Variants in MUC5AC observed in about 807,000 individuals in gnomAD.
The protein encoded by MUC5AC is mucin 5AC, oligomeric mucus/gel-forming.
In MUC5AC, 158 loss-of-function variants were observed where a neutral mutation model predicts 169.7. That is an observed-to-expected ratio of 0.93 (90% CI 0.82 to 1.06). The LOEUF (loss-of-function observed/expected upper bound fraction) is 1.06, where lower values mean the gene tolerates loss of function less well. Ranked by LOEUF, MUC5AC falls within the 50% of genes least tolerant of loss-of-function variation. MUC5AC has a pLI of 0.00. For missense variants in MUC5AC, 4,359 were observed against 3,089.9 expected (o/e 1.41, Z -9.74); for synonymous variants, 1,975 against 1,237.0 (o/e 1.60, Z -12.52).
intron 4 of MUC5AC, 76 bp from the exon 5 acceptor site, chr11:1,162,456 C>G: frequency 2.3e-6 from 3 of 1,328,514 alleles, no homozygotes; most frequent in Non-Finnish European, 2.1e-6. Flanking sequence ...GTCACATTTG[C>G]GACCGCAGGC....
intron 1 of MUC5AC, among the ~76,000 whole-genome samples, chr11:1,160,286 G>C (rs973690595): frequency 6.6e-6 from 1 of 152,108 alleles, no homozygotes; most frequent in Non-Finnish European, 1.5e-5. Flanking sequence ...GCGTGGCAGC[G>C]TGGGGGCCAG....
Position 1,197,484 on chromosome 11 carries a change from G to A in MUC5AC, c.15878G>A (p.Gly5293Asp). 2 of 715,666 alleles carry A rather than the reference G, an allele frequency of 2.8e-6. No homozygotes were observed. The highest frequency in any genetic ancestry group is 1.7e-5 in the African/African-American group (1 of 57,960). The allele number at this position is 715,666 out of a possible 1,614,324, so 44.3% of individuals were successfully genotyped here. A position where few individuals can be genotyped will look rare whatever the true frequency, so the allele number is the denominator to read the frequency against. ...TCCTTGCAGGTGGGCCACACCGTCGGCATGGACTGCCAGGAGTGCACGTGT... is the reference window on the plus strand; with the variant it reads ...TCCTTGCAGGTGGGCCACACCGTCGACATGGACTGCCAGGAGTGCACGTGT... ...GEPVKVGHTV[G>D]MDCQECTCEA... Residue 5293 changes from glycine to aspartate, a missense_variant, in exon 41 of 49, where the codon GGC becomes GAC. By Grantham distance (94) the Gly-to-Asp change is moderately conservative (BLOSUM62 -1). Coordinates refer to ENST00000621226, the MANE Select transcript of MUC5AC (RefSeq NM_001304359.2).
chr11:1,196,179 G>A, intron 37 of MUC5AC, 125 bp downstream of exon 37: 2 of 624,486 alleles, frequency 3.2e-6, no homozygotes, highest in Non-Finnish European at 5.7e-6. Context: ...GCAGCCCCAG[G>A]GCAGAGTGCA....
intron 15 of MUC5AC, among the ~76,000 whole-genome samples, chr11:1,170,505 CGA>C (rs1860477118): frequency 8.6e-6 from 1 of 116,916 alleles, no homozygotes; most frequent in Non-Finnish European, 1.8e-5. Flanking sequence ...ACCCACTCAC[CGA>C]CTCAACCATT....
Position 1,190,192 on chromosome 11 carries a change from G to C in MUC5AC, c.12047G>C (p.Gly4016Ala). ...SHPEVSIEHLGQVVQCSREEG... is the reference protein window; with the variant it reads ...SHPEVSIEHLAQVVQCSREEG... ...CCGGAGGTGAGCATCGAACACCTGG[G>C]CCAGGTGGTGCAGTGCAGCCGGGAA... Residue 4016 changes from glycine to alanine, a missense_variant, in exon 31 of 49, where the codon GGC becomes GCC. Coordinates refer to ENST00000621226, the MANE Select transcript of MUC5AC (RefSeq NM_001304359.2). The C allele has an allele frequency of 1.3e-6, 1 of 764,016 alleles. No individual in the cohort carries two copies. The highest frequency in any genetic ancestry group is 2.4e-6 in the Non-Finnish European group (1 of 417,470). The allele number at this position is 764,016 out of a possible 1,614,324, so 47.3% of individuals were successfully genotyped here. A position where few individuals can be genotyped will look rare whatever the true frequency, so the allele number is the denominator to read the frequency against.
chr11:1,177,961 C>G (rs948686112), intron 24 of MUC5AC, among the ~76,000 whole-genome samples: 1 of 152,170 alleles, frequency 6.6e-6, no homozygotes, highest in African/African-American at 2.4e-5. Flanking sequence ...TTGCATCTGC[C>G]GGGGTCCCCA....
chr11:1,175,467 A>T (rs1467768138), intron 19 of MUC5AC, among the ~76,000 whole-genome samples, 197 bp downstream of exon 19: 1 of 143,402 alleles, frequency 7.0e-6, no homozygotes, highest in African/African-American at 2.6e-5. Context: ...CACATATGAC[A>T]CTCACACCCA....
chr11:1,161,797 A>C, intron 3 of MUC5AC, 110 bp from the exon 4 acceptor site: 1 of 1,456,102 alleles, frequency 6.9e-7, no homozygotes, highest in Non-Finnish European at 9.1e-7. Flanking sequence ...CCAGGGCAGC[A>C]GCACTTCCTG....
chr11:1,192,019 G>C lies in MUC5AC; in HGVS notation c.13874G>C (p.Ser4625Thr), dbSNP rs368011691. 2.1e-3 allele frequency: 1,611 copies of C among 765,148 alleles called. 12 individuals are homozygous for C. The highest frequency in any genetic ancestry group is 0.018 in the African/African-American group (1,096 of 59,260). 47.4% of individuals were successfully genotyped at this position (765,148 alleles called of 1,614,324 possible). ...ACAACCCACTCCCAACCAGTCACCA[G>C]TGACTGTCATCCTCTGTGCGCCTGG... ...SKTTHSQPVT[S>T]DCHPLCAWTK... The change falls in exon 31 of 49, where the codon AGT becomes ACT. Residue 4625 changes from serine (S) to threonine (T), a missense_variant. Coordinates refer to ENST00000621226, the MANE Select transcript of MUC5AC (RefSeq NM_001304359.2).
chr11:1,163,190 G>A (rs1444987788), intron 6 of MUC5AC, 145 bp downstream of exon 6: 12 of 778,468 alleles, frequency 1.5e-5, no homozygotes, highest in African/African-American at 1.4e-4. Flanking sequence ...CAGCACACAC[G>A]TGCACACACG....
At position 1,192,380 on chromosome 11, in the gene MUC5AC, T is replaced by C. The variant is rs1301506167; in HGVS notation, c.14235T>C (p.Asn4745=). Residue 4745 remains asparagine (N), a synonymous_variant, in exon 31 of 49, where the codon AAT becomes AAC. Transcript: ENST00000621226. The part of the protein sequence containing the change: ...SVTPYGTSPT[N]ALYPSLSTSM... Reference sequence around the variant, plus strand: ...CCCCATATGGGACTTCTCCTACCAATGCTCTGTATCCTTCCCTGTCTACTT... The same window carrying C: ...CCCCATATGGGACTTCTCCTACCAACGCTCTGTATCCTTCCCTGTCTACTT... 1 of 765,124 alleles carries C rather than the reference T, an allele frequency of 1.3e-6. No homozygotes were observed. Among genetic ancestry groups the C allele is most frequent in the East Asian group, 2.4e-5 (1 of 41,252 alleles). The allele number at this position is 765,124 out of a possible 1,614,324, so 47.4% of individuals were successfully genotyped here. A position where few individuals can be genotyped will look rare whatever the true frequency, so the allele number is the denominator to read the frequency against.
Position 1,180,081 on chromosome 11 carries a change from G to A in MUC5AC, c.3544G>A (p.Gly1182Arg), listed in dbSNP as rs1019493392. The A allele has an allele frequency of 7.5e-6, 3 of 399,098 alleles. No individual in the cohort carries two copies. The highest frequency in any genetic ancestry group is 2.1e-5 in the African/African-American group (1 of 48,762). 24.7% of individuals were successfully genotyped at this position (399,098 alleles called of 1,614,324 possible). ...GQCEWHYQPC[G>R]VPCLRTCRNP... ...GTGCGAGTGGCACTACCAGCCCTGC[G>A]GGGTGCCCTGCCTGCGCACCTGCCG... Residue 1182 changes from glycine to arginine, a missense_variant, in exon 27 of 49, where the codon GGG becomes AGG. By Grantham distance (125) the Gly-to-Arg change is moderately radical. Transcript: ENST00000621226.
chr11:1,194,489 C>G lies in MUC5AC; in HGVS notation c.15009C>G (p.Ile5003Met). ...KPVHGVMTNE[I>M]IFNNKVVSPG... ...CGTCGACCACGCCCTGCGTCCAGAT[C>G]ATCTTCAACAACAAGGTGGTCAGCC... The change falls in exon 35 of 49, where the codon ATC becomes ATG. Residue 5003 changes from isoleucine (I) to methionine (M), a missense_variant and splice_region_variant. Ile to Met is a conservative substitution (Grantham distance 10). Coordinates refer to ENST00000621226, the MANE Select transcript of MUC5AC (RefSeq NM_001304359.2). The G allele has an allele frequency of 1.3e-6, 1 of 756,122 alleles. No individual in the cohort carries two copies. Among genetic ancestry groups the G allele is most frequent in the South Asian group, 1.4e-5 (1 of 73,748 alleles). 46.8% of individuals were successfully genotyped at this position (756,122 alleles called of 1,614,324 possible).
intron 1 of MUC5AC, among the ~76,000 whole-genome samples, chr11:1,159,337 C>G (rs1011230394): frequency 6.6e-6 from 1 of 152,072 alleles, no homozygotes; most frequent in African/African-American, 2.4e-5. Flanking sequence ...CCGGGCGCCC[C>G]TCCCACCATG....
intron 35 of MUC5AC, 28 bp from the exon 36 acceptor site, chr11:1,194,984 C>T (rs771567559): frequency 1.4e-6 from 1 of 699,588 alleles, no homozygotes. Context: ...TGCTGTCCAG[C>T]AGCCTGACCC....
rs1171064819 is a variant in MUC5AC, at chr11:1,181,188, C to T, written c.3820+6C>T. 2.0e-5 allele frequency: 8 copies of T among 398,620 alleles called. No individual in the cohort carries two copies. Among genetic ancestry groups the T allele is most frequent in the South Asian group, 1.3e-4 (1 of 7,868 alleles). The allele number at this position is 398,620 out of a possible 1,614,324, so 24.7% of individuals were successfully genotyped here. On this transcript the variant is annotated splice_donor_region_variant and intron_variant, in intron 29 of 48. Coordinates refer to ENST00000621226, the MANE Select transcript of MUC5AC (RefSeq NM_001304359.2). ...GTGCACCTACAAAGCTGAGGGTGAG[C>T]GGCCGGCAGCCCCTGGGGCTGGGGT...
At chr11:1,195,549 G>A (rs1861249273) in intron 36 of MUC5AC, among the ~76,000 whole-genome samples, 1 of 152,092 alleles carries the variant, frequency 6.6e-6, no homozygotes, top group South Asian at 2.1e-4. Context: ...CCGTCTCTGA[G>A]GCTCTCTGCT....
chr11:1,161,480 C>T (rs780340360), intron 2 of MUC5AC, 47 bp from the exon 3 acceptor site: 22 of 1,486,522 alleles, frequency 1.5e-5, no homozygotes, highest in Non-Finnish European at 1.9e-5. Flanking sequence ...GGAGCCCCCG[C>T]CCCACGTGGG....
In MUC5AC at chr11:1,187,280, C is replaced by T; in HGVS notation, c.9135C>T (p.Thr3045=). 1 of 698,218 alleles carries T rather than the reference C, an allele frequency of 1.4e-6. No individual in the cohort carries two copies. The highest frequency in any genetic ancestry group is 2.6e-6 in the Non-Finnish European group (1 of 383,346). The allele number at this position is 698,218 out of a possible 1,614,324, so 43.3% of individuals were successfully genotyped here. A position where few individuals can be genotyped will look rare whatever the true frequency, so the allele number is the denominator to read the frequency against. Residue 3045 remains threonine, a synonymous_variant, in exon 31 of 49, where the codon ACC becomes ACT. Transcript: ENST00000621226. ...CCTCTACCCCTACAAGCAGCACAAC[C>T]TCCTCTCCACAGACCAGCACAACCT... ...STTSTPTSST[T]SSPQTSTTSA...
Sources: gnomAD v4.1 joint callset for allele counts (sites outside exome capture counted in the v4.1 genomes callset) on GRCh38, gnomAD v4.1.1 for gene constraint, MANE v1.5 for transcripts, NCBI Gene and HGNC (gene_info 2026-07-23, HGNC 2026-07-21) for gene names.